Variants in GADL1 observed in about 807,000 individuals in gnomAD.
GADL1 encodes the protein acidic amino acid decarboxylase GADL1.
GADL1 carries 71 observed loss-of-function variants against 69.5 expected under a neutral mutation model. The observed-to-expected ratio is 1.02, with a 90% CI of 0.84 to 1.25. GADL1 has a LOEUF of 1.25. Among genes scored for constraint, GADL1 ranks in the 50% most tolerant of loss-of-function variants. The pLI is 0.00. For missense variants in GADL1, 737 were observed against 631.8 expected (o/e 1.17, Z -1.79); for synonymous variants, 254 against 214.4 (o/e 1.18, Z -1.62).
At chr3:30,754,079 C>T (rs931702490) in intron 14 of GADL1, among the ~76,000 whole-genome samples, 1 of 152,172 alleles carries the variant, frequency 6.6e-6, no homozygotes, top group Non-Finnish European at 1.5e-5. Flanking sequence ...AAATTAGTCA[C>T]ACAGGCTTTC....
At chr3:30,869,898 C>A (rs1698456654) in intron 1 of GADL1, among the ~76,000 whole-genome samples, 1 of 151,786 alleles carries the variant, frequency 6.6e-6, no homozygotes, top group Non-Finnish European at 1.5e-5. Flanking sequence ...TACTTGAAAT[C>A]CTATCCAAAA....
At chr3:30,765,537 A>C (rs1001613513) in intron 14 of GADL1, among the ~76,000 whole-genome samples, 4 of 152,320 alleles carry the variant, frequency 2.6e-5, no homozygotes, top group Admixed American at 2.6e-4. Context: ...ATTATTAAAC[A>C]TTCAGTACCA....
intron 14 of GADL1, among the ~76,000 whole-genome samples, chr3:30,776,283 CCTAT>C (rs1482586838): frequency 6.6e-6 from 1 of 151,968 alleles, no homozygotes; most frequent in African/African-American, 2.4e-5. Context: ...AAATGGTGAC[CCTAT>C]CTTTCTCAAC....
rs1302864987 is a variant in GADL1, at chr3:30,778,275, A to G, written c.1303-7T>C. 1 of 1,544,698 alleles carries G rather than the reference A, an allele frequency of 6.5e-7. No homozygotes were observed. Among genetic ancestry groups the G allele is most frequent in the South Asian group, 1.1e-5 (1 of 88,786 alleles). ...AAATATTGGCATATTCAGGCTGAGA[A>G]TTAGAAAAAATATAAAGTTGTTATC... is the stretch of plus-strand genomic sequence containing the variant. On this transcript the variant is annotated splice_region_variant and splice_polypyrimidine_tract_variant and intron_variant, in intron 13 of 14. Transcript: ENST00000282538.
intron 11 of GADL1, among the ~76,000 whole-genome samples, chr3:30,814,648 A>C (rs1015601279): frequency 4.6e-5 from 7 of 152,188 alleles, no homozygotes; most frequent in African/African-American, 1.4e-4. Context: ...CAGTGAAGAG[A>C]CATTCCATAA....
chr3:30,826,574 A>C (rs916211908), intron 11 of GADL1, among the ~76,000 whole-genome samples: 6 of 151,894 alleles, frequency 4.0e-5, no homozygotes, highest in African/African-American at 1.4e-4. Context: ...CAGCCACCCA[A>C]GAGTTTTGAA....
At chr3:30,824,293 TAGAAAA>T (rs1697645472) in intron 11 of GADL1, among the ~76,000 whole-genome samples, 2 of 150,272 alleles carry the variant, frequency 1.3e-5, no homozygotes, top group Admixed American at 1.3e-4. Context: ...AAAAATTAAT[TAGAAAA>T]AGAAAAATAT....
intron 14 of GADL1, 91 bp downstream of exon 14, chr3:30,778,088 C>T: frequency 1.3e-6 from 1 of 740,916 alleles, no homozygotes; most frequent in Admixed American, 2.2e-5. Flanking sequence ...TAATTCTGTG[C>T]TTGCTAGGCC....
At chr3:30,746,364 T>C (rs1373932301) in intron 14 of GADL1, among the ~76,000 whole-genome samples, 19 of 152,146 alleles carry the variant, frequency 1.2e-4, no homozygotes, top group Non-Finnish European at 2.9e-5. Flanking sequence ...GAGCCTCCAG[T>C]CTCTAAGAAG....
chr3:30,883,097 A>C lies in GADL1; in HGVS notation c.37+11481T>G, dbSNP rs1001429599. On this transcript the variant is annotated intron_variant, in intron 1 of 14. Coordinates refer to ENST00000282538, the MANE Select transcript of GADL1 (RefSeq NM_207359.3). ...TTGAGAATATTTTCTCTCATCCCATAGATTGCCTTTTCACTGTTGATTGTG... is the reference window on the plus strand; with the variant it reads ...TTGAGAATATTTTCTCTCATCCCATCGATTGCCTTTTCACTGTTGATTGTG... Among the ~76,000 whole-genome samples, 7 of 152,064 alleles carry C rather than the reference A, an allele frequency of 4.6e-5. No homozygotes were observed. In the East Asian group the frequency reaches 1.4e-3, roughly 30 times the overall value.
chr3:30,752,391 TAG>T (rs1559487320), intron 14 of GADL1, among the ~76,000 whole-genome samples: 1 of 151,736 alleles, frequency 6.6e-6, no homozygotes, highest in African/African-American at 2.4e-5. Flanking sequence ...TGCATGGAGA[TAG>T]ACATGTATGG....
chr3:30,833,990 C>A (rs1180974554), intron 10 of GADL1, 56 bp from the exon 11 acceptor site: 1 of 1,164,458 alleles, frequency 8.6e-7, no homozygotes, highest in Non-Finnish European at 1.3e-6. Flanking sequence ...TTTCTACAGG[C>A]AATGGAATAC....
intron 14 of GADL1, among the ~76,000 whole-genome samples, chr3:30,747,954 C>G (rs1420546445): frequency 6.6e-6 from 1 of 152,216 alleles, no homozygotes; most frequent in Non-Finnish European, 1.5e-5. Context: ...TAACATGAAA[C>G]CATTCAATGG....
At chr3:30,783,982 C>T (rs572426066) in intron 13 of GADL1, among the ~76,000 whole-genome samples, 43 of 152,206 alleles carry the variant, frequency 2.8e-4, no homozygotes, top group African/African-American at 1.0e-3. Flanking sequence ...TTTTCATAAG[C>T]ACTATAGCTC....
chr3:30,871,470 A>G (rs1441349037), intron 1 of GADL1, among the ~76,000 whole-genome samples: 1 of 151,842 alleles, frequency 6.6e-6, no homozygotes, highest in African/African-American at 2.4e-5. Context: ...ATATCTTTGT[A>G]AAGAGTTCTA....
At chr3:30,800,788 C>CT (rs967216297) in intron 12 of GADL1, 101 bp downstream of exon 12, 2 of 964,604 alleles carry the variant, frequency 2.1e-6, no homozygotes, top group African/African-American at 3.3e-5. Flanking sequence ...TTAGGTCTTC[C>CT]TATTACAGAC....
At chr3:30,747,066 G>A (rs1213428176) in intron 14 of GADL1, among the ~76,000 whole-genome samples, 1 of 152,174 alleles carries the variant, frequency 6.6e-6, no homozygotes, top group Non-Finnish European at 1.5e-5. Context: ...GCAACATGGT[G>A]CCTGTCAGGT....
chr3:30,771,664 C>T (rs1696422429), intron 14 of GADL1, among the ~76,000 whole-genome samples: 1 of 152,148 alleles, frequency 6.6e-6, no homozygotes, highest in African/African-American at 2.4e-5. Flanking sequence ...AGAACCTCAT[C>T]TTTGAACATT....
intron 1 of GADL1, among the ~76,000 whole-genome samples, chr3:30,882,853 T>C (rs1197550449): frequency 6.6e-6 from 1 of 151,866 alleles, no homozygotes; most frequent in African/African-American, 2.4e-5. Context: ...GTTTTTTTTT[T>C]ATAGTAGCCA....
Sources: gnomAD v4.1 joint callset for allele counts (sites outside exome capture counted in the v4.1 genomes callset) on GRCh38, gnomAD v4.1.1 for gene constraint, MANE v1.5 for transcripts, NCBI Gene and HGNC (gene_info 2026-07-23, HGNC 2026-07-21) for gene names.